The following MEGF6 variants were observed in gnomAD, a reference collection of about 807,000 sequenced individuals.
The protein encoded by MEGF6 is multiple EGF like domains 6.
A neutral mutation model predicts 207.1 loss-of-function variants in MEGF6; 184 were observed. The observed-to-expected ratio is 0.89, with a 90% CI of 0.79 to 1.00. MEGF6 has a LOEUF of 1.00. Ranked by LOEUF, MEGF6 falls within the 50% of genes least tolerant of loss-of-function variation. MEGF6 has a pLI of 0.00. For missense variants in MEGF6, 2,282 were observed against 2,202.9 expected (o/e 1.04, Z -0.72); for synonymous variants, 1,038 against 910.0 (o/e 1.14, Z -2.53).
chr1:3,514,564 C>G lies in MEGF6; in HGVS notation c.839G>C (p.Gly280Ala). 6.3e-7 allele frequency: 1 copy of G among 1,590,446 alleles called. No individual in the cohort carries two copies. The highest frequency in any genetic ancestry group is 8.5e-7 in the Non-Finnish European group (1 of 1,171,532). Reference protein sequence around the residue: ...CHVGYQLAADGKACEDVDECA... With the variant: ...CHVGYQLAADAKACEDVDECA... ...GGGCGTCCTACCTTCACAGGCCTTG[C>G]CGTCCGCTGCTAGCTGATAGCCCAC... Residue 280 changes from glycine to alanine, a missense_variant, in exon 7 of 37, where the codon GGC (glycine) becomes GCC (alanine). Transcript: ENST00000356575.
intron 4 of MEGF6, among the ~76,000 whole-genome samples, chr1:3,544,486 C>CTG (rs1240648060): frequency 3.3e-5 from 5 of 152,108 alleles, no homozygotes; most frequent in African/African-American, 1.2e-4. Flanking sequence ...TGGAGCTCCT[C>CTG]CTAGGAGGGA....
At chr1:3,606,075 C>T (rs940204815) in intron 1 of MEGF6, among the ~76,000 whole-genome samples, 6 of 152,228 alleles carry the variant, frequency 3.9e-5, no homozygotes, top group South Asian at 2.1e-4. Flanking sequence ...AATTTGGGAT[C>T]AGAGACAGGT....
chr1:3,555,440 A>C (rs1412378299), intron 4 of MEGF6, among the ~76,000 whole-genome samples: 1 of 152,202 alleles, frequency 6.6e-6, no homozygotes, highest in Non-Finnish European at 1.5e-5. Flanking sequence ...ACGAGACAGG[A>C]AAGTACAGGC....
rs374622401 is a variant in MEGF6 at position 3,489,819 on chromosome 1, G to A, written c.*709C>T. 1.6e-4 allele frequency: 25 copies of A among 152,468 alleles called. No homozygotes were observed. The highest frequency in any genetic ancestry group is 3.9e-4 in the Admixed American group (6 of 15,308). 9.4% of individuals were successfully genotyped at this position (152,468 alleles called of 1,614,324 possible). A position where few individuals can be genotyped will look rare whatever the true frequency, so the allele number is the denominator to read the frequency against. The stretch of plus-strand genomic sequence containing the variant: ...CACCCCCACCCCTGCAAAGGGCCCC[G>A]GGTGCACTGGGAGGTCCCTGGGTGC... On this transcript the variant is annotated 3_prime_UTR_variant, in exon 37 of 37. Coordinates refer to ENST00000356575, the MANE Select transcript of MEGF6 (RefSeq NM_001409.4).
intron 4 of MEGF6, among the ~76,000 whole-genome samples, chr1:3,557,767 G>A (rs996677657): frequency 1.3e-5 from 2 of 152,346 alleles, no homozygotes; most frequent in South Asian, 2.1e-4. Flanking sequence ...AGTGCAGAAG[G>A]GCATATCAGG....
At chr1:3,574,728 C>G (rs1643595468) in intron 4 of MEGF6, among the ~76,000 whole-genome samples, 1 of 152,214 alleles carries the variant, frequency 6.6e-6, no homozygotes, top group Admixed American at 6.5e-5. Context: ...CTGCAACCTC[C>G]ACCTCCCAGG....
At position 3,594,800 on chromosome 1, in the gene MEGF6, C is replaced by T. The variant is rs1038621683; in HGVS notation, c.376+538G>A. 1.8e-4 allele frequency among the ~76,000 whole-genome samples: 27 copies of T among 152,206 alleles called. 1 individual carries two copies. Among genetic ancestry groups the T allele is most frequent in the African/African-American group, 2.2e-4 (9 of 41,450 alleles). On this transcript the variant is annotated intron_variant, in intron 3 of 36. Coordinates refer to ENST00000356575, the MANE Select transcript of MEGF6 (RefSeq NM_001409.4). The surrounding 1 kb of genome is among the most constrained non-coding windows in gnomAD (Gnocchi z 4.2). ...GAGCCCCAGCACATCAGCACCTGCC[C>T]GGGTCAGGTCGTATGCAGCACGGGC...
At position 3,514,604 on chromosome 1, in the gene MEGF6, G is replaced by A. The variant is rs199566066; in HGVS notation, c.799C>T (p.Arg267Cys). The change falls in exon 7 of 37, where the codon CGC becomes TGC. Residue 267 changes from arginine to cysteine, a missense_variant. Arg to Cys is a radical substitution (Grantham distance 180, BLOSUM62 -3). Coordinates refer to ENST00000356575, the MANE Select transcript of MEGF6 (RefSeq NM_001409.4). ...HRCQVVRGLA[R>C]CECHVGYQLA... ...TGATAGCCCACGTGGCACTCACAGC[G>A]GGCGAGGCCCCGGACCACCTGGCAC... The A allele has an allele frequency of 1.3e-3, 2,038 of 1,581,016 alleles. 25 individuals carry two copies. The South Asian group carries it at 0.014, about 11-fold the overall frequency.
intron 3 of MEGF6, among the ~76,000 whole-genome samples, chr1:3,585,723 G>A (rs62653679): frequency 0.84 from 115,785 of 138,082 alleles, 48,667 homozygotes; most frequent in Non-Finnish European, 0.89. Context: ...GTGTGAGGAC[G>A]CATGTCCTGT....
rs147831722 is a variant in MEGF6 at position 3,499,298 on chromosome 1, G to A, written c.2966-32C>T. ...GTGGAGAGGGCTGGTCAGAGCCAGG[G>A]GTGGGCAGGACCCCAGGGGTTGGCA... is the stretch of plus-strand genomic sequence containing the variant. On this transcript the variant is annotated intron_variant, in intron 23 of 36. Transcript: ENST00000356575. 1.6e-3 allele frequency: 2,482 copies of A among 1,583,880 alleles called. 39 individuals carry two copies. The African/African-American group carries it at 0.029, about 18-fold the overall frequency.
intron 4 of MEGF6, chr1:3,531,410 C>G (rs1642166352): frequency 8.8e-7 from 1 of 1,138,638 alleles, no homozygotes; most frequent in Non-Finnish European, 1.1e-6. Flanking sequence ...GGGAGCCGCT[C>G]TGGGCCGGGC....
intron 6 of MEGF6, 97 bp downstream of exon 6, chr1:3,515,302 TGGG>T (rs1210840354): frequency 4.3e-6 from 6 of 1,401,588 alleles, no homozygotes; most frequent in Non-Finnish European, 5.8e-6. Context: ...TCAGCAGCCT[TGGG>T]GGCCTCCTGA....
chr1:3,607,715 C>T (rs866552295), intron 1 of MEGF6, among the ~76,000 whole-genome samples: 3 of 152,248 alleles, frequency 2.0e-5, no homozygotes, highest in Non-Finnish European at 2.9e-5. Flanking sequence ...CTGTTCCTTG[C>T]GGCTGGATCC....
At chr1:3,605,194 CCACACACACAGT>C (rs1644225924) in intron 1 of MEGF6, among the ~76,000 whole-genome samples, 1 of 151,070 alleles carries the variant, frequency 6.6e-6, no homozygotes, top group East Asian at 2.0e-4. Flanking sequence ...TCACACACAC[CCACACACACAGT>C]CACACACACT....
At chr1:3,498,575 C>T in intron 25 of MEGF6, 76 bp from the exon 26 acceptor site, 1 of 1,490,888 alleles carries the variant, frequency 6.7e-7, no homozygotes, top group Non-Finnish European at 9.0e-7. Context: ...ATGCTTCCTG[C>T]ACGCAGAGCT....
Position 3,508,561 on chromosome 1 carries a change from C to T in MEGF6, c.1657G>A (p.Glu553Lys), listed in dbSNP as rs371460007. The T allele has an allele frequency of 6.2e-7, 1 of 1,612,836 alleles. No individual in the cohort carries two copies. Among genetic ancestry groups the T allele is most frequent in the African/African-American group, 1.3e-5 (1 of 75,044 alleles). The stretch of plus-strand genomic sequence containing the variant: ...AGCCCCTGCCCAGCTGCCTCACTCT[C>T]ATTGCAGATGAGCCCAGTCCAGCCC... ...PEGWTGLICN[E>K]TCPPDTFGKN... is the part of the protein sequence containing the mutation. The change falls in exon 13 of 37, where the codon GAG (glutamate) becomes AAG (lysine). Residue 553 changes from glutamate to lysine, a missense_variant. Transcript: ENST00000356575.
chr1:3,619,479 G>A, the MEGF6 span, among the ~76,000 whole-genome samples: 2 of 152,306 alleles, frequency 1.3e-5, no homozygotes, highest in African/African-American at 2.4e-5. Flanking sequence ...ATCTCCAATT[G>A]TAATCCCCCA....
chr1:3,499,008 G>A (rs978986990), intron 24 of MEGF6, 130 bp downstream of exon 24: 14 of 1,430,838 alleles, frequency 9.8e-6, no homozygotes, highest in Admixed American at 6.2e-5. Context: ...ACAGGTGAAA[G>A]GCACGGTCCT....
At position 3,556,744 on chromosome 1, in the gene MEGF6, G is replaced by A. The variant is rs796783436; in HGVS notation, c.481+23081C>T. Among the ~76,000 whole-genome samples the A allele has an allele frequency of 8.5e-5, 13 of 152,314 alleles. No individual in the cohort carries two copies. Among genetic ancestry groups the A allele is most frequent in the African/African-American group, 2.9e-4 (12 of 41,566 alleles). ...CAAAACAGGACACTGGAGAGCAGAA[G>A]AGGCTCCAGTGAAAACACAAGGATG... is the stretch of plus-strand genomic sequence containing the variant. On this transcript the variant is annotated intron_variant, in intron 4 of 36. Transcript: ENST00000356575. The surrounding 1 kb of genome is among the most constrained non-coding windows in gnomAD (Gnocchi z 4.4).
Sources: allele counts gnomAD v4.1 joint callset (sites outside exome capture counted in the v4.1 genomes callset), GRCh38; gene constraint gnomAD v4.1.1; non-coding constraint Gnocchi (gnomAD v3.1); transcripts MANE v1.5; gene names NCBI Gene and HGNC (gene_info 2026-07-23, HGNC 2026-07-21).